CNNM1: variants seen among roughly 807,000 people sequenced by gnomAD.
The protein encoded by CNNM1 is cyclin and CBS domain divalent metal cation transport mediator 1.
CNNM1 carries 44 observed loss-of-function variants against 78.8 expected under a neutral mutation model. The ratio of observed to expected loss-of-function variants is 0.56; its 90% CI spans 0.44 to 0.72. The LOEUF is 0.72. Ranked by LOEUF, CNNM1 falls within the 30% of genes least tolerant of loss-of-function variation. CNNM1 has a pLI of 0.00. For synonymous variants in CNNM1, 584 were observed against 581.5 expected, an observed-to-expected ratio of 1.00 and a Z score of -0.06; for missense variants, 1,101 against 1,292.2, an observed-to-expected ratio of 0.85 and a Z score of 2.27.
In CNNM1 at chr10:99,377,078, A is replaced by G. The variant is rs760232379; in HGVS notation, c.2200A>G (p.Ser734Gly). The change falls in exon 7 of 11, where the codon AGT becomes GGT. Residue 734 changes from serine (S) to glycine (G), a missense_variant. By Grantham distance (56) the Ser-to-Gly change is moderately conservative. Around this residue, in one of 3 missense-constraint regions of CNNM1, gnomAD observed 348 missense variants for 384.5 expected, o/e 0.90. Transcript: ENST00000356713. ...AGTAAACCGGTCCCCTTCTCGCTGCAGTGGGTTGAATCGCTCTGAGTCTCC... is the reference window on the plus strand; with the variant it reads ...AGTAAACCGGTCCCCTTCTCGCTGCGGTGGGTTGAATCGCTCTGAGTCTCC... ...VFLNRSPSRC[S>G]GLNRSESPNR... is the part of the protein sequence containing the mutation. 9 of 1,572,604 alleles carry G rather than the reference A, an allele frequency of 5.7e-6. 1 individual carries two copies. In the South Asian group the frequency reaches 1.0e-4, roughly 18 times the overall value.
chr10:99,343,801 G>C (rs1183850818), intron 1 of CNNM1, among the ~76,000 whole-genome samples: 2 of 151,906 alleles, frequency 1.3e-5, no homozygotes, highest in African/African-American at 2.4e-5. Flanking sequence ...TGCAAACTCT[G>C]CCTCCTGGGT....
chr10:99,389,443 A>G (rs2134085709), intron 9 of CNNM1, among the ~76,000 whole-genome samples: 1 of 150,906 alleles, frequency 6.6e-6, no homozygotes, highest in Non-Finnish European at 1.5e-5. Context: ...AAAAAAATTT[A>G]AAGTCAACAA....
chr10:99,356,717 C>T (rs921566536), intron 1 of CNNM1, among the ~76,000 whole-genome samples: 11 of 151,986 alleles, frequency 7.2e-5, no homozygotes, highest in African/African-American at 2.4e-4. Flanking sequence ...ACTGGCAGAT[C>T]CACTTCCAAG....
intron 1 of CNNM1, among the ~76,000 whole-genome samples, chr10:99,340,889 C>CCTGCCTGCCTGT: frequency 6.6e-6 from 1 of 151,150 alleles, no homozygotes; most frequent in African/African-American, 2.4e-5. Flanking sequence ...TGCCTGCCTG[C>CCTGCCTGCCTGT]CTGCCTGCCT....
chr10:99,357,714 G>C, intron 2 of CNNM1, 59 bp downstream of exon 2: 1 of 1,461,620 alleles, frequency 6.8e-7, no homozygotes, highest in African/African-American at 1.4e-5. Flanking sequence ...AAGACTCTCA[G>C]GTAAAGCCTC....
At chr10:99,358,896 G>A (rs954121499) in intron 2 of CNNM1, among the ~76,000 whole-genome samples, 2 of 149,988 alleles carry the variant, frequency 1.3e-5, no homozygotes, top group Non-Finnish European at 2.9e-5. Context: ...CTACTTGAGA[G>A]GCCAAGGTGG....
intron 2 of CNNM1, among the ~76,000 whole-genome samples, chr10:99,359,937 C>CA (rs1000066093): frequency 8.4e-5 from 9 of 107,566 alleles, no homozygotes; most frequent in African/African-American, 1.0e-4. Context: ...AAAAAAAAAA[C>CA]AAAAAAAAAA....
intron 6 of CNNM1, among the ~76,000 whole-genome samples, chr10:99,370,219 C>G (rs1290427877): frequency 6.6e-6 from 1 of 152,136 alleles, no homozygotes; most frequent in Non-Finnish European, 1.5e-5. Context: ...TGTCATGTGC[C>G]CCTGAGAGTA....
chr10:99,356,886 A>G (rs1005702535), intron 1 of CNNM1, among the ~76,000 whole-genome samples: 1 of 152,208 alleles, frequency 6.6e-6, no homozygotes, highest in Non-Finnish European at 1.5e-5. Context: ...CAAAAGCTAC[A>G]TGCCTTTATG....
At chr10:99,362,759 C>T (rs2031484613) in intron 4 of CNNM1, among the ~76,000 whole-genome samples, 1 of 152,140 alleles carries the variant, frequency 6.6e-6, no homozygotes, top group African/African-American at 2.4e-5. Flanking sequence ...CCACTGCCTC[C>T]TAAACTTTAG....
intron 1 of CNNM1, among the ~76,000 whole-genome samples, chr10:99,332,192 GCAA>G (rs1401174547): frequency 2.0e-5 from 3 of 152,136 alleles, no homozygotes; most frequent in Non-Finnish European, 4.4e-5. Context: ...AACCCTGAAA[GCAA>G]CACCAGACAT....
At chr10:99,382,151 G>A (rs1318624115) in intron 7 of CNNM1, among the ~76,000 whole-genome samples, 1 of 152,172 alleles carries the variant, frequency 6.6e-6, no homozygotes, top group Non-Finnish European at 1.5e-5. Flanking sequence ...CAGACTGAAG[G>A]TCCAGAATTA....
At chr10:99,368,621 C>T in intron 6 of CNNM1, 1 of 1,289,738 alleles carries the variant, frequency 7.8e-7, no homozygotes, top group South Asian at 1.2e-5. Context: ...TCTTTAGTGC[C>T]TGTCTCTGTG....
chr10:99,331,366 C>G (rs552283832), intron 1 of CNNM1, among the ~76,000 whole-genome samples: 1 of 152,304 alleles, frequency 6.6e-6, no homozygotes, highest in African/African-American at 2.4e-5. Flanking sequence ...CTCCCAGGGC[C>G]GAAAGCTCAC....
rs749206291 is a variant in CNNM1 at position 99,381,606 on chromosome 10, G to A, written c.2340+4388G>A. ...AAAATAAAAAAATTACCCAGTCATG[G>A]TGGCAGGCACCTGTAATCCCAGCTA... On this transcript the variant is annotated intron_variant, in intron 7 of 10. Coordinates refer to ENST00000356713, the MANE Select transcript of CNNM1 (RefSeq NM_020348.3). Among the ~76,000 whole-genome samples, 5 of 151,696 alleles carry A rather than the reference G, an allele frequency of 3.3e-5. No homozygotes were observed. In the East Asian group the frequency reaches 5.8e-4, roughly 18 times the overall value.
At chr10:99,346,200 C>T (rs182609573) in intron 1 of CNNM1, among the ~76,000 whole-genome samples, 23 of 152,134 alleles carry the variant, frequency 1.5e-4, no homozygotes, top group Admixed American at 7.9e-4. Context: ...ATCGTTAATC[C>T]GGTTTTAGTG....
intron 1 of CNNM1, among the ~76,000 whole-genome samples, chr10:99,340,066 C>A (rs1334498704): frequency 6.6e-6 from 1 of 151,968 alleles, no homozygotes; most frequent in African/African-American, 2.4e-5. Flanking sequence ...AACAATAGAG[C>A]AAACAGTAAA....
chr10:99,348,211 T>A (rs1342165547), intron 1 of CNNM1, among the ~76,000 whole-genome samples: 3 of 151,892 alleles, frequency 2.0e-5, no homozygotes, highest in African/African-American at 4.8e-5. Context: ...CCTGGCTAAA[T>A]TTTTTAAAAT....
chr10:99,361,019 A>G (rs1454091991), intron 3 of CNNM1, 44 bp downstream of exon 3: 13 of 1,554,276 alleles, frequency 8.4e-6, no homozygotes, highest in Non-Finnish European at 1.1e-5. Context: ...CAGAATCTCT[A>G]GGGTGGGACC....
Sources: gnomAD v4.1 joint callset for allele counts (sites outside exome capture counted in the v4.1 genomes callset) on GRCh38, gnomAD v4.1.1 for gene constraint, gnomAD v4.1.1 regional missense constraint, MANE v1.5 for transcripts, NCBI Gene and HGNC (gene_info 2026-07-23, HGNC 2026-07-21) for gene names.